Variants in IDI1 observed in about 807,000 individuals in gnomAD.
IDI1 encodes isopentenyl-diphosphate delta isomerase 1.
IDI1 carries 23 observed loss-of-function variants against 32.9 expected under a neutral mutation model. The ratio of observed to expected loss-of-function variants is 0.70; its 90% confidence interval spans 0.50 to 0.99. The LOEUF is 0.99. Among genes scored for constraint, IDI1 ranks in the 50% least tolerant of loss-of-function variants. IDI1 has a pLI of 0.00. For synonymous variants in IDI1, 133 were observed against 128.2 expected, an observed-to-expected ratio of 1.04 and a Z score of -0.25; for missense variants, 326 against 351.9, an observed-to-expected ratio of 0.93 and a Z score of 0.59.
the IDI1 span, chr10:1,056,351 A>C: frequency 5.9e-5 from 9 of 152,338 alleles, no homozygotes; most frequent in Admixed American, 5.9e-4. Context: ...TTCCCAGCCA[A>C]TGGTGATCAA....
chr10:1,044,736 T>C (rs770159171), intron 1 of IDI1, among the ~76,000 whole-genome samples: 3 of 152,356 alleles, frequency 2.0e-5, no homozygotes, highest in Non-Finnish European at 2.9e-5. Context: ...CCCAAGCTCC[T>C]GGGTTATCAG....
Position 1,048,905 on chromosome 10 carries a change from G to C in IDI1, c.99C>G (p.Arg33=), listed in dbSNP as rs747589389. The C allele has an allele frequency of 6.2e-7, 1 of 1,606,218 alleles. No homozygotes were observed. Among genetic ancestry groups the C allele is most frequent in the Non-Finnish European group, 8.5e-7 (1 of 1,177,742 alleles). The change falls in exon 1 of 5, where the codon CGC becomes CGG. Residue 33 remains arginine, a synonymous_variant. Coordinates refer to ENST00000381344, the MANE Select transcript of IDI1 (RefSeq NM_004508.4). ...VRAADCAQSG[R]HPGPAVVCGR... is the part of the protein sequence containing the mutation. ...CACAGACAACCGCCGGTCCCGGATG[G>C]CGCCCGCTTTGAGCACAGTCTGCGG...
At position 1,048,958 on chromosome 10, in the gene IDI1, G is replaced by A. The variant is rs1386690702; in HGVS notation, c.46C>T (p.Arg16Trp). Residue 16 changes from arginine to tryptophan, a missense_variant, in exon 1 of 5, where the codon CGG becomes TGG. Coordinates refer to ENST00000381344, the MANE Select transcript of IDI1 (RefSeq NM_004508.4). ...ALARAIGCAARGRGQWAVRAA... is the reference protein window; with the variant it reads ...ALARAIGCAAWGRGQWAVRAA... Reference sequence around the variant, plus strand: ...CGCACCGCCCACTGGCCCCGCCCCCGGGCCGCGCAGCCAATCGCTCGCGCC... The same window carrying A: ...CGCACCGCCCACTGGCCCCGCCCCCAGGCCGCGCAGCCAATCGCTCGCGCC... 1.3e-6 allele frequency: 2 copies of A among 1,559,218 alleles called. No individual in the cohort carries two copies. The highest frequency in any genetic ancestry group is 1.7e-6 in the Non-Finnish European group (2 of 1,156,760).
chr10:1,041,228 A>G lies in IDI1; in HGVS notation c.814T>C (p.Leu272=). The G allele has an allele frequency of 6.2e-7, 1 of 1,611,788 alleles. No homozygotes were observed. ...LFKWWDNLNH[L]NQFVDHEKIY... ...TTCTCATGGTCAACAAACTGATTCAAATGATTTAAGTTATCCCACCATTTA... is the reference window on the plus strand; with the variant it reads ...TTCTCATGGTCAACAAACTGATTCAGATGATTTAAGTTATCCCACCATTTA... The change falls in exon 5 of 5, where the codon TTG becomes CTG. Residue 272 remains leucine, a synonymous_variant. Transcript: ENST00000381344.
chr10:1,055,711 ACTT>A, the IDI1 span, among the ~76,000 whole-genome samples: 19,780 of 126,780 alleles, frequency 0.16, 1,669 homozygotes, highest in Non-Finnish European at 0.23. Context: ...AAATAACTTC[ACTT>A]CTTTTTTTTT....
upstream of IDI1, among the ~76,000 whole-genome samples, chr10:1,053,166 T>A (rs1287816230): frequency 6.6e-6 from 1 of 152,140 alleles, no homozygotes; most frequent in Non-Finnish European, 1.5e-5. Context: ...CACACCCAGT[T>A]AATTTTTGTA....
chr10:1,044,236 G>A (rs909237884), intron 1 of IDI1, 65 bp from the exon 2 acceptor site: 18 of 1,225,918 alleles, frequency 1.5e-5, no homozygotes, highest in Admixed American at 2.0e-5. Flanking sequence ...TATAAACACA[G>A]GTTAATAATG....
rs768280953 is a variant in IDI1 at position 1,048,933 on chromosome 10, C to T, written c.71G>A (p.Arg24His). Residue 24 changes from arginine (R) to histidine (H), a missense_variant, in exon 1 of 5, where the codon CGC becomes CAC. Arg to His is a conservative substitution (Grantham distance 29, BLOSUM62 0). Transcript: ENST00000381344. ...CCCGCTTTGAGCACAGTCTGCGGCG[C>T]GCACCGCCCACTGGCCCCGCCCCCG... ...AARGRGQWAV[R>H]AADCAQSGRH... The T allele has an allele frequency of 1.3e-6, 2 of 1,592,530 alleles. No homozygotes were observed. The highest frequency in any genetic ancestry group is 2.3e-5 in the East Asian group (1 of 43,412).
Position 1,046,431 on chromosome 10 carries a change from C to T in IDI1, c.141-2260G>A, listed in dbSNP as rs189353851. Among the ~76,000 whole-genome samples the T allele has an allele frequency of 2.0e-5, 3 of 152,272 alleles. No homozygotes were observed. The East Asian group carries it at 5.8e-4, about 29-fold the overall frequency. On this transcript the variant is annotated intron_variant, in intron 1 of 4. Coordinates refer to ENST00000381344, the MANE Select transcript of IDI1 (RefSeq NM_004508.4). ...AGTCACACACTGTCCAAATTTAGGC[C>T]TGAAGCAACAGGAAAAACAGCCTAA... is the stretch of plus-strand genomic sequence containing the variant.
rs1465672566 is a variant in IDI1 at position 1,049,037 on chromosome 10, G to A, written c.-34C>T. On this transcript the variant is annotated 5_prime_UTR_variant, in exon 1 of 5. Transcript: ENST00000381344. ...CAATTGGCGCCCGTACGCGCTTGAC[G>A]ACACAATCTCGCCAAGCTTCGCCTG... The A allele has an allele frequency of 6.2e-6, 9 of 1,461,234 alleles. No homozygotes were observed. Among genetic ancestry groups the A allele is most frequent in the Non-Finnish European group, 8.1e-6 (9 of 1,115,744 alleles). The allele number at this position is 1,461,234 out of a possible 1,614,324, so 90.5% of individuals were successfully genotyped here. A position where few individuals can be genotyped will look rare whatever the true frequency, so the allele number is the denominator to read the frequency against.
rs900085624 is a variant in IDI1, at chr10:1,039,858, C to T, written c.*1329G>A. ...TATTATAAATGCAACGGAAACTATA[C>T]AGGCAATATCCTATTAGTGTATCAA... is the stretch of plus-strand genomic sequence containing the variant. On this transcript the variant is annotated 3_prime_UTR_variant, in exon 5 of 5. Coordinates refer to ENST00000381344, the MANE Select transcript of IDI1 (RefSeq NM_004508.4). 4 of 152,172 alleles carry T rather than the reference C, an allele frequency of 2.6e-5. No homozygotes were observed. The highest frequency in any genetic ancestry group is 9.7e-5 in the African/African-American group (4 of 41,436). The allele number at this position is 152,172 out of a possible 1,614,324, so 9.4% of individuals were successfully genotyped here.
chr10:1,048,717 AC>A lies in IDI1; in HGVS notation c.140+146del, dbSNP rs1009257983. On this transcript the variant is annotated intron_variant, in intron 1 of 4. Coordinates refer to ENST00000381344, the MANE Select transcript of IDI1 (RefSeq NM_004508.4). ...GCCCGGCCTCCCTCCAGTTCGGGAG[AC>A]CAACGCCGCCACCCCCAGCTGTCCA... 2.8e-6 allele frequency: 4 copies of A among 1,426,226 alleles called. No individual in the cohort carries two copies. In the African/African-American group the frequency reaches 4.4e-5, roughly 16 times the overall value. 88.3% of individuals were successfully genotyped at this position (1,426,226 alleles called of 1,614,324 possible). A position where few individuals can be genotyped will look rare whatever the true frequency, so the allele number is the denominator to read the frequency against.
downstream of IDI1, chr10:1,039,409 T>G (rs1000783377): frequency 1.3e-5 from 2 of 152,232 alleles, no homozygotes; most frequent in African/African-American, 4.8e-5. Context: ...CTTAAAGGAG[T>G]TGGCAATGGT....
rs779142078 is a variant in IDI1, at chr10:1,042,656, A to G, written c.513T>C (p.Ala171=). 8 of 1,614,064 alleles carry G rather than the reference A, an allele frequency of 5.0e-6. No homozygotes were observed. Among genetic ancestry groups the G allele is most frequent in the Non-Finnish European group, 6.8e-6 (8 of 1,179,976 alleles). Reference sequence around the variant, plus strand: ...CCTCTTCCAAGGGAATTCCTAGCTCAGCTTTCAGCCGTCTCTGTGCTGCTC... The same window carrying G: ...CCTCTTCCAAGGGAATTCCTAGCTCGGCTTTCAGCCGTCTCTGTGCTGCTC... ...VRRAAQRRLK[A]ELGIPLEEVP... Residue 171 remains alanine (A), a synonymous_variant, in exon 4 of 5, where the codon GCT becomes GCC. Coordinates refer to ENST00000381344, the MANE Select transcript of IDI1 (RefSeq NM_004508.4).
upstream of IDI1, among the ~76,000 whole-genome samples, chr10:1,051,843 ATTC>A (rs541540250): frequency 7.0e-4 from 107 of 152,326 alleles, no homozygotes; most frequent in South Asian, 2.9e-3. Flanking sequence ...TTGATTGACA[ATTC>A]TTTTCATGAA....
intron 3 of IDI1, 66 bp from the exon 4 acceptor site, chr10:1,042,828 A>C: frequency 7.4e-7 from 1 of 1,354,636 alleles, no homozygotes; most frequent in Non-Finnish European, 1.0e-6. Context: ...ATCAAGAAAA[A>C]GTTTTATAAG....
Position 1,040,254 on chromosome 10 carries a change from C to G in IDI1, c.*933G>C, listed in dbSNP as rs1244769345. ...TTTTTCTCCCTACAATATTTCCTGA[C>G]TCTGTAGGACAGTGGTCCTCAGTTG... On this transcript the variant is annotated 3_prime_UTR_variant, in exon 5 of 5. Coordinates refer to ENST00000381344, the MANE Select transcript of IDI1 (RefSeq NM_004508.4). 6.6e-6 allele frequency: 1 copy of G among 152,154 alleles called. No individual in the cohort carries two copies. Among genetic ancestry groups the G allele is most frequent in the African/African-American group, 2.4e-5 (1 of 41,422 alleles). The allele number at this position is 152,154 out of a possible 1,614,324, so 9.4% of individuals were successfully genotyped here.
the IDI1 span, among the ~76,000 whole-genome samples, chr10:1,056,116 CTTTTTA>C: frequency 6.6e-6 from 1 of 152,100 alleles, no homozygotes; most frequent in Non-Finnish European, 1.5e-5. Context: ...CTTGAGCTTC[CTTTTTA>C]AAGGAAGGAG....
At chr10:1,054,602 G>C in the IDI1 span, among the ~76,000 whole-genome samples, 2 of 152,232 alleles carry the variant, frequency 1.3e-5, no homozygotes, top group Non-Finnish European at 2.9e-5. Context: ...GCAGGAGGGA[G>C]AATGTAACTG....
Sources: gnomAD v4.1 joint callset for allele counts (sites outside exome capture counted in the v4.1 genomes callset) on GRCh38, gnomAD v4.1.1 for gene constraint, MANE v1.5 for transcripts, NCBI Gene and HGNC (gene_info 2026-07-23, HGNC 2026-07-21) for gene names.